Variants in ZNF385D observed in about 807,000 individuals in gnomAD.
The protein encoded by ZNF385D is zinc finger protein 659.
Under a neutral mutation model 35.8 loss-of-function variants are expected in ZNF385D, and 15 were observed. That is an observed-to-expected ratio of 0.42 (90% CI 0.28 to 0.64). The LOEUF (loss-of-function observed/expected upper bound fraction) is 0.64. ZNF385D is among the 30% of genes least tolerant of loss of function. ZNF385D has a pLI of 0.23. For missense variants in ZNF385D, 474 were observed against 494.6 expected (o/e 0.96, Z 0.39); for synonymous variants, 212 against 186.8 (o/e 1.13, Z -1.10).
chr3:21,413,315 T>G lies in ZNF385D; in HGVS notation c.*7899A>C, dbSNP rs1005124235. 2 of 152,088 alleles carry G rather than the reference T, an allele frequency of 1.3e-5. No individual in the cohort carries two copies. Among genetic ancestry groups the G allele is most frequent in the African/African-American group, 4.8e-5 (2 of 41,420 alleles). The allele number at this position is 152,088 out of a possible 1,614,324, so 9.4% of individuals were successfully genotyped here. A position where few individuals can be genotyped will look rare whatever the true frequency, so the allele number is the denominator to read the frequency against. On this transcript the variant is annotated 3_prime_UTR_variant, in exon 8 of 8. Coordinates refer to ENST00000281523, the MANE Select transcript of ZNF385D (RefSeq NM_024697.3). ...AAATTAGCATTCTGAGCGTTTTGGC[T>G]TCTGGTACTCAAGTCAGACTTCCAG...
intron 1 of ZNF385D, among the ~76,000 whole-genome samples, chr3:21,730,184 A>T (rs2068931751): frequency 6.6e-6 from 1 of 152,206 alleles, no homozygotes; most frequent in Middle Eastern, 3.2e-3. Context: ...GAACAACCTG[A>T]CCACAGAGCA....
intron 1 of ZNF385D, among the ~76,000 whole-genome samples, chr3:21,743,396 C>A (rs2069613861): frequency 6.6e-6 from 1 of 152,220 alleles, no homozygotes; most frequent in African/African-American, 2.4e-5. Context: ...AAGCCTGGAT[C>A]CTTCCTGCCT....
chr3:22,049,648 G>C (rs1017014229), intron 3 of ZNF385D, among the ~76,000 whole-genome samples: 1 of 152,084 alleles, frequency 6.6e-6, no homozygotes, highest in African/African-American at 2.4e-5. Flanking sequence ...AATACCCGTG[G>C]ACTTATCATA....
chr3:21,812,732 G>C (rs1186706965), intron 3 of ZNF385D, among the ~76,000 whole-genome samples: 1 of 152,222 alleles, frequency 6.6e-6, no homozygotes, highest in East Asian at 1.9e-4. Context: ...CACAGCTCAA[G>C]GAGGCCTGCC....
intron 3 of ZNF385D, among the ~76,000 whole-genome samples, chr3:21,547,884 T>C (rs1362781114): frequency 6.6e-6 from 1 of 152,132 alleles, no homozygotes; most frequent in African/African-American, 2.4e-5. Context: ...GTGCTGGGAT[T>C]ACAGGTGTGA....
chr3:22,136,541 ATGC>A (rs1431431355), intron 3 of ZNF385D, among the ~76,000 whole-genome samples: 1 of 152,224 alleles, frequency 6.6e-6, no homozygotes, highest in Non-Finnish European at 1.5e-5. Context: ...TATATAAAGA[ATGC>A]TATAAAATCA....
chr3:22,086,911 C>G (rs1701074717), intron 3 of ZNF385D, among the ~76,000 whole-genome samples: 1 of 151,604 alleles, frequency 6.6e-6, no homozygotes, highest in Admixed American at 6.6e-5. Context: ...GGGTGGGGTA[C>G]ATCACACACC....
chr3:21,432,319 T>G (rs1701328331), intron 5 of ZNF385D, among the ~76,000 whole-genome samples: 1 of 152,170 alleles, frequency 6.6e-6, no homozygotes, highest in Non-Finnish European at 1.5e-5. Flanking sequence ...TTTAGAACCC[T>G]CTGAGCATTT....
intron 1 of ZNF385D, among the ~76,000 whole-genome samples, chr3:21,724,216 A>C (rs931892391): frequency 5.9e-5 from 9 of 152,040 alleles, no homozygotes; most frequent in Admixed American, 5.2e-4. Context: ...TGTAAAGACC[A>C]TCGACACTAT....
intron 4 of ZNF385D, among the ~76,000 whole-genome samples, chr3:21,485,285 G>T (rs536008299): frequency 6.6e-6 from 1 of 152,136 alleles, no homozygotes; most frequent in African/African-American, 2.4e-5. Flanking sequence ...TGATCCACAG[G>T]CTCACTTACT....
At chr3:21,775,054 C>T (rs2071231477) in intron 3 of ZNF385D, among the ~76,000 whole-genome samples, 1 of 151,792 alleles carries the variant, frequency 6.6e-6, no homozygotes, top group African/African-American at 2.4e-5. Flanking sequence ...ATGACATAAC[C>T]TGAGAAGAGA....
chr3:22,368,625 A>T (rs766263805), intron 2 of ZNF385D, among the ~76,000 whole-genome samples: 2 of 152,136 alleles, frequency 1.3e-5, no homozygotes, highest in Non-Finnish European at 2.9e-5. Context: ...TGGTCTGCAG[A>T]TGGCTATCTT....
chr3:21,419,437 A>G lies in ZNF385D; in HGVS notation c.*1777T>C, dbSNP rs1182471127. The G allele has an allele frequency of 7.2e-5, 11 of 152,086 alleles. No homozygotes were observed. In the East Asian group the frequency reaches 2.1e-3, roughly 29 times the overall value. 9.4% of individuals were successfully genotyped at this position (152,086 alleles called of 1,614,324 possible). A position where few individuals can be genotyped will look rare whatever the true frequency, so the allele number is the denominator to read the frequency against. On this transcript the variant is annotated 3_prime_UTR_variant, in exon 8 of 8. Transcript: ENST00000281523. ...ATAAATGCTAAATACCTATGTCTCA[A>G]ATGGTTTCCTCTTGATTCTTTATAC...
chr3:21,751,277 G>T, upstream of ZNF385D: 2 of 1,094,360 alleles, frequency 1.8e-6, no homozygotes, highest in South Asian at 5.4e-5. Context: ...CGCTCCACGA[G>T]GTGCTCCGAC....
In ZNF385D at chr3:22,070,257, T is replaced by C. The variant is rs1304984560; in HGVS notation, c.325+98560A>G. Among the ~76,000 whole-genome samples, 5 of 152,252 alleles carry C rather than the reference T, an allele frequency of 3.3e-5. No individual in the cohort carries two copies. In the East Asian group the frequency reaches 7.7e-4, roughly 24 times the overall value. On this transcript the variant is annotated intron_variant, in intron 3 of 5. Transcript: ENST00000494108. ...TTTAAGTCCTGGATAAAGAAATAGG[T>C]CCACTTATTTTTAAGTGGCATCACC...
chr3:22,006,763 C>G (rs985474369), intron 3 of ZNF385D, among the ~76,000 whole-genome samples: 3 of 151,928 alleles, frequency 2.0e-5, no homozygotes, highest in African/African-American at 4.8e-5. Context: ...ATAAACATCT[C>G]TTGAAATATA....
At chr3:22,004,670 A>G (rs1696084638) in intron 3 of ZNF385D, among the ~76,000 whole-genome samples, 1 of 152,166 alleles carries the variant, frequency 6.6e-6, no homozygotes. Context: ...CTTGTGGACA[A>G]AGGACAGACA....
intron 3 of ZNF385D, among the ~76,000 whole-genome samples, chr3:21,553,773 G>A (rs774110942): frequency 1.4e-4 from 21 of 152,098 alleles, no homozygotes; most frequent in Admixed American, 1.1e-3. Context: ...TTTCAACAGC[G>A]TTCACAGCAT....
chr3:22,195,419 C>G (rs1022309809), intron 2 of ZNF385D, among the ~76,000 whole-genome samples: 1 of 151,842 alleles, frequency 6.6e-6, no homozygotes, highest in African/African-American at 2.4e-5. Context: ...CTTTTATTGG[C>G]AGGGCCACCC....
Sources: gnomAD v4.1 joint callset for allele counts (sites outside exome capture counted in the v4.1 genomes callset) on GRCh38, gnomAD v4.1.1 for gene constraint, MANE v1.5 for transcripts, NCBI Gene and HGNC (gene_info 2026-07-23, HGNC 2026-07-21) for gene names.